Variants in GTF2H1 observed in about 807,000 individuals in gnomAD.
GTF2H1 encodes the protein BTF2 p62.
A neutral mutation model predicts 71.2 loss-of-function variants in GTF2H1; 16 were observed. That is an observed-to-expected ratio of 0.22 (90% CI 0.15 to 0.34). GTF2H1 has a LOEUF of 0.34. Ranked by LOEUF, GTF2H1 falls within the 10% of genes least tolerant of loss-of-function variation. GTF2H1 has a pLI of 1.00. For synonymous variants in GTF2H1, 215 were observed against 219.0 expected (o/e 0.98, Z 0.16); for missense variants, 498 against 648.2 (o/e 0.77, Z 2.52).
At chr11:18,334,482 A>G (rs551135446) in intron 2 of GTF2H1, among the ~76,000 whole-genome samples, 1 of 152,354 alleles carries the variant, frequency 6.6e-6, no homozygotes, top group East Asian at 1.9e-4. Flanking sequence ...TAGCAGTATT[A>G]GCGTCTCTCT....
At chr11:18,331,247 G>T (rs1479873268) in intron 1 of GTF2H1, among the ~76,000 whole-genome samples, 1 of 152,036 alleles carries the variant, frequency 6.6e-6, no homozygotes, top group Non-Finnish European at 1.5e-5. Context: ...TGTGGGAATG[G>T]GTTTCACCAT....
At chr11:18,326,824 A>G (rs188788355) in intron 1 of GTF2H1, among the ~76,000 whole-genome samples, 51 of 152,306 alleles carry the variant, frequency 3.3e-4, no homozygotes, top group South Asian at 1.0e-3. Context: ...CTTCCCCGTC[A>G]GATCCTCCCC....
At chr11:18,333,960 G>T (rs1457467940) in intron 2 of GTF2H1, among the ~76,000 whole-genome samples, 3 of 152,184 alleles carry the variant, frequency 2.0e-5, no homozygotes, top group Non-Finnish European at 4.4e-5. Context: ...TTCAGGCATG[G>T]GCTAGGTGCA....
At chr11:18,350,740 T>C (rs1454994135) in intron 9 of GTF2H1, among the ~76,000 whole-genome samples, 2 of 152,156 alleles carry the variant, frequency 1.3e-5, no homozygotes, top group Non-Finnish European at 2.9e-5. Context: ...TCAATAAGAG[T>C]TGACCAGATG....
Position 18,347,730 on chromosome 11 carries a change from C to G in GTF2H1, c.965+15C>G. 2 of 1,611,142 alleles carry G rather than the reference C, an allele frequency of 1.2e-6. No homozygotes were observed. Among genetic ancestry groups the G allele is most frequent in the Non-Finnish European group, 1.7e-6 (2 of 1,178,704 alleles). ...CTCAGAAAACAGTTAAGTATAAATG[C>G]AGAGGTGCAGTAACTGGGCTTTTCA... On this transcript the variant is annotated intron_variant, in intron 8 of 14. Coordinates refer to ENST00000265963, the MANE Select transcript of GTF2H1 (RefSeq NM_005316.4).
intron 11 of GTF2H1, among the ~76,000 whole-genome samples, chr11:18,357,497 G>T (rs1211514948): frequency 6.6e-6 from 1 of 152,148 alleles, no homozygotes; most frequent in Non-Finnish European, 1.5e-5. Flanking sequence ...GAGGAGGATT[G>T]CTTGAGCCCA....
chr11:18,364,215 T>C (rs913578030), intron 14 of GTF2H1, among the ~76,000 whole-genome samples: 1 of 152,208 alleles, frequency 6.6e-6, no homozygotes, highest in African/African-American at 2.4e-5. Context: ...GAGCTAAATA[T>C]TACTATCCCC....
intron 1 of GTF2H1, among the ~76,000 whole-genome samples, chr11:18,329,890 G>A (rs1190093632): frequency 1.3e-5 from 2 of 152,172 alleles, no homozygotes; most frequent in African/African-American, 2.4e-5. Flanking sequence ...AGAGACAAAA[G>A]GAGTACATAC....
At chr11:18,340,086 C>T (rs187104425) in intron 5 of GTF2H1, among the ~76,000 whole-genome samples, 14 of 152,258 alleles carry the variant, frequency 9.2e-5, no homozygotes, top group African/African-American at 2.9e-4. Context: ...CTTCCCTCTT[C>T]CCCACTCTTA....
At chr11:18,336,840 C>T (rs1441555023) in intron 3 of GTF2H1, among the ~76,000 whole-genome samples, 1 of 151,734 alleles carries the variant, frequency 6.6e-6, no homozygotes, top group African/African-American at 2.4e-5. Context: ...CTGCAACCTC[C>T]ACCTCCTGGG....
chr11:18,347,671 T>C lies in GTF2H1; in HGVS notation c.921T>C (p.Phe307=). 6.2e-7 allele frequency: 1 copy of C among 1,613,306 alleles called. No individual in the cohort carries two copies. Among genetic ancestry groups the C allele is most frequent in the South Asian group, 1.1e-5 (1 of 91,076 alleles). Residue 307 remains phenylalanine (F), a synonymous_variant, in exon 8 of 15, where the codon TTT becomes TTC. Transcript: ENST00000265963. ...ENSNAAIIKR[F]NHHSAMVLAA... is the part of the protein sequence containing the mutation. ...GTAATGCTGCCATCATCAAGAGATTTAACCATCACAGTGCCATGGTCCTGG... is the reference window on the plus strand; with the variant it reads ...GTAATGCTGCCATCATCAAGAGATTCAACCATCACAGTGCCATGGTCCTGG...
chr11:18,328,866 T>C (rs1406948443), intron 1 of GTF2H1, among the ~76,000 whole-genome samples: 1 of 152,190 alleles, frequency 6.6e-6, no homozygotes, highest in East Asian at 1.9e-4. Context: ...ATGCCTTTTT[T>C]TTCTGTGTAT....
chr11:18,356,516 A>G (rs905276829), intron 11 of GTF2H1, among the ~76,000 whole-genome samples: 27 of 152,274 alleles, frequency 1.8e-4, no homozygotes, highest in East Asian at 5.8e-4. Context: ...AATTCTTTCA[A>G]TGTAGACTAT....
chr11:18,338,715 C>T (rs922648437), intron 4 of GTF2H1, among the ~76,000 whole-genome samples: 1 of 152,150 alleles, frequency 6.6e-6, no homozygotes, highest in African/African-American at 2.4e-5. Context: ...TCCCAAAGCT[C>T]TGGGATTACA....
intron 13 of GTF2H1, among the ~76,000 whole-genome samples, chr11:18,359,174 A>T (rs2133989149): frequency 6.6e-6 from 1 of 152,366 alleles, no homozygotes; most frequent in African/African-American, 2.4e-5. Context: ...TCACTAAAGA[A>T]TGGAGTGGCC....
At position 18,341,298 on chromosome 11, in the gene GTF2H1, G is replaced by T; in HGVS notation, c.645G>T (p.Met215Ile). The T allele has an allele frequency of 6.2e-7, 1 of 1,613,674 alleles. No homozygotes were observed. The highest frequency in any genetic ancestry group is 8.5e-7 in the Non-Finnish European group (1 of 1,179,796). ...MKYAENVPHN[M>I]TEKEFWTRFF... is the part of the protein sequence containing the mutation. ...ATGCAGAAAATGTTCCCCACAACAT[G>T]ACAGAGAAGGAATTCTGGACACGTT... The change falls in exon 6 of 15, where the codon ATG becomes ATT. Residue 215 changes from methionine to isoleucine, a missense_variant. Met to Ile is a conservative substitution (Grantham distance 10, BLOSUM62 1). This residue lies in a region of GTF2H1 where 216 missense variants were observed against 306.2 expected (regional missense o/e 0.71). Transcript: ENST00000265963.
At chr11:18,342,461 C>T (rs573733126) in intron 7 of GTF2H1, among the ~76,000 whole-genome samples, 1 of 152,030 alleles carries the variant, frequency 6.6e-6, no homozygotes, top group East Asian at 1.9e-4. Flanking sequence ...AGGGTTTTGC[C>T]ACGTTGGCCA....
intron 1 of GTF2H1, chr11:18,324,390 A>G (rs1338626048): frequency 2.0e-5 from 3 of 152,314 alleles, no homozygotes; most frequent in African/African-American, 7.2e-5. Context: ...CTTTTGAAAA[A>G]TACTAGGAAA....
chr11:18,327,711 C>T (rs1864798453), intron 1 of GTF2H1, among the ~76,000 whole-genome samples: 1 of 152,144 alleles, frequency 6.6e-6, no homozygotes, highest in East Asian at 1.9e-4. Flanking sequence ...ATTTCAGCCT[C>T]CCGACTTGCT....
Sources: gnomAD v4.1 joint callset for allele counts (sites outside exome capture counted in the v4.1 genomes callset) on GRCh38, gnomAD v4.1.1 for gene constraint, gnomAD v4.1.1 regional missense constraint, MANE v1.5 for transcripts, NCBI Gene and HGNC (gene_info 2026-07-23, HGNC 2026-07-21) for gene names.